Variants in CNTN4 observed in about 807,000 individuals in gnomAD.
The protein encoded by CNTN4 is contactin 4.
A neutral mutation model predicts 122.5 loss-of-function variants in CNTN4; 77 were observed. That is an observed-to-expected ratio of 0.63 (90% confidence interval 0.52 to 0.76). The LOEUF (loss-of-function observed/expected upper bound fraction) is 0.76. Ranked by LOEUF, CNTN4 falls within the 30% of genes least tolerant of loss-of-function variation. The pLI, the probability that CNTN4 is intolerant of heterozygous loss-of-function variation, is 0.00. For synonymous variants in CNTN4, 512 were observed against 447.0 expected (o/e 1.15, Z -1.83); for missense variants, 1,256 against 1,259.1 (o/e 1.00, Z 0.04).
chr3:2,772,136 G>A (rs572983585), intron 6 of CNTN4, among the ~76,000 whole-genome samples: 6 of 152,212 alleles, frequency 3.9e-5, no homozygotes, highest in East Asian at 3.9e-4. Context: ...GGTGGCTGAC[G>A]ATCTCAAAGG....
chr3:2,372,326 T>C (rs528666292), intron 3 of CNTN4, among the ~76,000 whole-genome samples: 12 of 152,216 alleles, frequency 7.9e-5, no homozygotes, highest in African/African-American at 2.7e-4. Context: ...TAAAGACTTA[T>C]GAACATCGTG....
intron 3 of CNTN4, among the ~76,000 whole-genome samples, chr3:2,448,354 A>G (rs892237720): frequency 3.3e-5 from 5 of 152,210 alleles, no homozygotes; most frequent in Admixed American, 6.5e-5. Context: ...AGAAGAAAAA[A>G]GCAAATGAGA....
intron 3 of CNTN4, among the ~76,000 whole-genome samples, chr3:2,411,560 G>A (rs1313096641): frequency 1.3e-5 from 2 of 152,084 alleles, no homozygotes; most frequent in African/African-American, 2.4e-5. Context: ...TTTTCATAAG[G>A]AAGTTTGATT....
chr3:2,420,354 T>A (rs557597603), intron 3 of CNTN4, among the ~76,000 whole-genome samples: 1 of 152,310 alleles, frequency 6.6e-6, no homozygotes, highest in South Asian at 2.1e-4. Context: ...TCTGGTGGGA[T>A]AACTCTGTGA....
At chr3:2,250,834 A>G (rs1020091472) in intron 2 of CNTN4, among the ~76,000 whole-genome samples, 2 of 151,856 alleles carry the variant, frequency 1.3e-5, no homozygotes, top group African/African-American at 2.4e-5. Context: ...ATACTATCCA[A>G]TGATCAATAT....
intron 6 of CNTN4, among the ~76,000 whole-genome samples, chr3:2,776,896 T>C (rs1281376831): frequency 6.6e-6 from 1 of 152,186 alleles, no homozygotes; most frequent in African/African-American, 2.4e-5. Context: ...AGAGACTCTG[T>C]GTGAGGGTGG....
rs534296925 is a variant in CNTN4, at chr3:2,298,846, G to A, written c.-144-40332G>A. Among the ~76,000 whole-genome samples the A allele has an allele frequency of 7.2e-5, 11 of 152,272 alleles. No homozygotes were observed. The South Asian group carries it at 2.3e-3, about 32-fold the overall frequency. ...TGTATGGCCATGATAGTTTTTGTGAGGAGTAAATTAATGCATATATGGGAG... is the reference window on the plus strand; with the variant it reads ...TGTATGGCCATGATAGTTTTTGTGAAGAGTAAATTAATGCATATATGGGAG... On this transcript the variant is annotated intron_variant, in intron 2 of 24. Transcript: ENST00000418658.
intron 4 of CNTN4, among the ~76,000 whole-genome samples, chr3:2,720,534 T>G (rs1424112219): frequency 6.6e-6 from 1 of 152,154 alleles, no homozygotes; most frequent in East Asian, 1.9e-4. Flanking sequence ...CTTGCTCACT[T>G]TATTACTCTC....
chr3:2,412,465 C>G (rs1440039713), intron 3 of CNTN4, among the ~76,000 whole-genome samples: 2 of 152,004 alleles, frequency 1.3e-5, no homozygotes, highest in East Asian at 1.9e-4. Flanking sequence ...GTCGGTCAGG[C>G]TGGTCTCAAA....
chr3:2,562,473 C>T (rs1408877562), intron 3 of CNTN4, among the ~76,000 whole-genome samples: 1 of 152,092 alleles, frequency 6.6e-6, no homozygotes, highest in Non-Finnish European at 1.5e-5. Context: ...TAAGTGAGAT[C>T]ACCCAGTATT....
chr3:2,360,256 A>G (rs1478459494), intron 3 of CNTN4, among the ~76,000 whole-genome samples: 1 of 152,228 alleles, frequency 6.6e-6, no homozygotes, highest in East Asian at 1.9e-4. Context: ...CAGTTTGAGC[A>G]TAAATTAATG....
At chr3:2,941,238 G>A (rs1323164403) in intron 13 of CNTN4, among the ~76,000 whole-genome samples, 1 of 151,890 alleles carries the variant, frequency 6.6e-6, no homozygotes, top group Non-Finnish European at 1.5e-5. Flanking sequence ...GTTCCTTCCA[G>A]CACATCTGCA....
chr3:2,920,131 T>A (rs1251635322), intron 12 of CNTN4, among the ~76,000 whole-genome samples: 2 of 151,716 alleles, frequency 1.3e-5, no homozygotes, highest in African/African-American at 2.4e-5. Flanking sequence ...TACCAGCATG[T>A]AATACTCAGC....
At chr3:3,044,260 T>C (rs1230699000) in intron 23 of CNTN4, among the ~76,000 whole-genome samples, 5 of 152,222 alleles carry the variant, frequency 3.3e-5, no homozygotes, top group Admixed American at 2.6e-4. Context: ...AAAAGGGTTA[T>C]AAATATCTTG....
At chr3:2,870,327 C>G (rs1577104656) in intron 8 of CNTN4, among the ~76,000 whole-genome samples, 2 of 152,208 alleles carry the variant, frequency 1.3e-5, no homozygotes, top group Non-Finnish European at 2.9e-5. Flanking sequence ...TTAATGCCCA[C>G]TCATTCTTAA....
chr3:2,372,456 T>A (rs1324823180), intron 3 of CNTN4, among the ~76,000 whole-genome samples: 1 of 152,248 alleles, frequency 6.6e-6, no homozygotes, highest in Non-Finnish European at 1.5e-5. Flanking sequence ...ACAAGCTGAC[T>A]GTCTATGTCC....
intron 3 of CNTN4, among the ~76,000 whole-genome samples, chr3:2,382,605 C>A (rs1307643951): frequency 6.6e-6 from 1 of 152,144 alleles, no homozygotes; most frequent in Admixed American, 6.5e-5. Flanking sequence ...ATTTATGTGA[C>A]TGGCTATTTG....
At chr3:2,101,751 T>C (rs1015389769) in intron 2 of CNTN4, among the ~76,000 whole-genome samples, 4 of 150,082 alleles carry the variant, frequency 2.7e-5, no homozygotes, top group African/African-American at 7.5e-5. Context: ...ACACTACTTA[T>C]AAAACACACA....
intron 4 of CNTN4, among the ~76,000 whole-genome samples, chr3:2,683,132 A>G (rs1279895433): frequency 6.6e-6 from 1 of 152,094 alleles, no homozygotes; most frequent in Non-Finnish European, 1.5e-5. Context: ...AGTGTCACAA[A>G]CTCTTTACAA....
Sources: gnomAD v4.1 joint callset for allele counts (sites outside exome capture counted in the v4.1 genomes callset) on GRCh38, gnomAD v4.1.1 for gene constraint, MANE v1.5 for transcripts, NCBI Gene and HGNC (gene_info 2026-07-23, HGNC 2026-07-21) for gene names.